NCAM2: variants seen among roughly 807,000 people sequenced by gnomAD.
NCAM2 encodes neural cell adhesion molecule 2.
A neutral mutation model predicts 98.1 loss-of-function variants in NCAM2; 30 were observed. The ratio of observed to expected loss-of-function variants is 0.31; its 90% CI spans 0.23 to 0.41. NCAM2 has a LOEUF of 0.41. Among genes scored for constraint, NCAM2 ranks in the 10% least tolerant of loss-of-function variants. NCAM2 has a pLI of 1.00. For synonymous variants in NCAM2, 368 were observed against 342.4 expected, an observed-to-expected ratio of 1.07 and a Z score of -0.83; for missense variants, 867 against 1,005.8, an observed-to-expected ratio of 0.86 and a Z score of 1.87.
At chr21:21,327,647 A>G (rs1026987284) in intron 6 of NCAM2, among the ~76,000 whole-genome samples, 1 of 152,142 alleles carries the variant, frequency 6.6e-6, no homozygotes, top group African/African-American at 2.4e-5. Context: ...ACAGTTACTA[A>G]AACTTCAGCC....
chr21:21,224,567 A>G (rs912903240), intron 1 of NCAM2, among the ~76,000 whole-genome samples: 5 of 152,164 alleles, frequency 3.3e-5, no homozygotes, highest in African/African-American at 1.2e-4. Context: ...TTGCCTCTAA[A>G]TTTCACACAA....
intron 1 of NCAM2, among the ~76,000 whole-genome samples, chr21:21,203,064 G>T (rs1466723177): frequency 6.6e-6 from 1 of 152,096 alleles, no homozygotes; most frequent in Admixed American, 6.6e-5. Context: ...TTAATGGATT[G>T]AACTCTATAA....
chr21:21,173,552 C>T (rs2068188236), intron 1 of NCAM2, among the ~76,000 whole-genome samples: 1 of 152,124 alleles, frequency 6.6e-6, no homozygotes, highest in African/African-American at 2.4e-5. Flanking sequence ...TCTTATGGAA[C>T]ATGCTAAACT....
At chr21:21,487,725 A>G (rs934360294) in intron 15 of NCAM2, among the ~76,000 whole-genome samples, 1 of 152,046 alleles carries the variant, frequency 6.6e-6, no homozygotes, top group South Asian at 2.1e-4. Flanking sequence ...TTTACAGTCA[A>G]CGTTACTGGC....
chr21:21,379,155 C>G (rs1013914114), intron 9 of NCAM2, among the ~76,000 whole-genome samples: 1 of 151,950 alleles, frequency 6.6e-6, no homozygotes, highest in African/African-American at 2.4e-5. Context: ...ATAGAAAGGA[C>G]TTTTCTTTTT....
chr21:21,183,516 A>G (rs936379725), intron 1 of NCAM2, among the ~76,000 whole-genome samples: 2 of 152,150 alleles, frequency 1.3e-5, no homozygotes, highest in African/African-American at 4.8e-5. Flanking sequence ...GGACATGAGG[A>G]AATGGTAAGG....
intron 1 of NCAM2, among the ~76,000 whole-genome samples, chr21:21,179,553 GCTGTTGTCTT>G (rs1213960870): frequency 6.6e-6 from 1 of 152,136 alleles, no homozygotes; most frequent in African/African-American, 2.4e-5. Flanking sequence ...AATCCCAACA[GCTGTTGTCTT>G]CTTTTATGTG....
At chr21:21,453,857 T>G (rs1981717161) in intron 12 of NCAM2, among the ~76,000 whole-genome samples, 1 of 152,238 alleles carries the variant, frequency 6.6e-6, no homozygotes, top group East Asian at 1.9e-4. Flanking sequence ...CCTTAGAATA[T>G]AAGGCGATGT....
rs1601812915 is a variant in NCAM2 at position 21,265,427 on chromosome 21, G to T, written c.56-15151G>T. ...ATATATGTGTATATATAATATATGT[G>T]TGTATATATATTATATATACACACA... On this transcript the variant is annotated intron_variant, in intron 1 of 17. Transcript: ENST00000400546. Among the ~76,000 whole-genome samples the T allele has an allele frequency of 6.4e-5, 4 of 62,702 alleles. 1 individual carries two copies. The highest frequency in any genetic ancestry group is 1.1e-4 in the Non-Finnish European group (4 of 36,208). 41.1% of individuals were successfully genotyped at this position (62,702 alleles called of 152,430 possible).
chr21:21,056,682 G>A (rs2065219684), intron 1 of NCAM2, among the ~76,000 whole-genome samples: 2 of 152,022 alleles, frequency 1.3e-5, no homozygotes, highest in Admixed American at 6.6e-5. Context: ...TGAAAGACAG[G>A]AAGAGTCGAA....
At chr21:21,525,237 C>A (rs184216281) in intron 16 of NCAM2, among the ~76,000 whole-genome samples, 14 of 151,836 alleles carry the variant, frequency 9.2e-5, no homozygotes, top group African/African-American at 3.4e-4. Context: ...AAAAGATTAA[C>A]GAAATTGCTA....
intron 1 of NCAM2, among the ~76,000 whole-genome samples, chr21:21,183,744 T>C (rs1319970079): frequency 6.6e-6 from 1 of 152,182 alleles, no homozygotes; most frequent in Non-Finnish European, 1.5e-5. Flanking sequence ...ACTTGTTCTA[T>C]GCATTGTTAT....
intron 1 of NCAM2, among the ~76,000 whole-genome samples, chr21:21,032,207 A>G (rs1348422741): frequency 2.0e-5 from 3 of 152,150 alleles, no homozygotes; most frequent in Non-Finnish European, 4.4e-5. Flanking sequence ...TTAGAAAATC[A>G]TCTTTAGCTG....
intron 1 of NCAM2, among the ~76,000 whole-genome samples, chr21:21,123,384 G>T (rs73332361): frequency 1.5e-5 from 2 of 130,148 alleles, no homozygotes; most frequent in Non-Finnish European, 3.2e-5. Context: ...GAGACAGAGC[G>T]AAGAGACTCC....
At chr21:21,117,923 C>T (rs182435469) in intron 1 of NCAM2, among the ~76,000 whole-genome samples, 20 of 152,244 alleles carry the variant, frequency 1.3e-4, no homozygotes, top group Non-Finnish European at 2.8e-4. Flanking sequence ...AATGATTGAA[C>T]TAATAAGTGG....
At position 21,059,557 on chromosome 21, in the gene NCAM2, A is replaced by G. The variant is rs182321117; in HGVS notation, c.55+60939A>G. ...AGAACCTTTTTATATTTGGAATATA[A>G]TAGTTTCTTGTACATATTAATCTAG... On this transcript the variant is annotated intron_variant, in intron 1 of 17. Coordinates refer to ENST00000400546, the MANE Select transcript of NCAM2 (RefSeq NM_004540.5). Among the ~76,000 whole-genome samples the G allele has an allele frequency of 9.3e-4, 141 of 152,272 alleles. 1 individual carries two copies. The East Asian group carries it at 0.023, about 25-fold the overall frequency.
intron 1 of NCAM2, among the ~76,000 whole-genome samples, chr21:21,147,833 T>C (rs1056768007): frequency 6.6e-6 from 1 of 150,408 alleles, no homozygotes; most frequent in African/African-American, 2.4e-5. Context: ...GTTTATAAAA[T>C]ACCCTATTTA....
At chr21:21,225,029 T>C (rs964533592) in intron 1 of NCAM2, among the ~76,000 whole-genome samples, 6 of 151,938 alleles carry the variant, frequency 3.9e-5, no homozygotes, top group Admixed American at 2.0e-4. Flanking sequence ...CCATCAACAA[T>C]AGGCTGAAGA....
chr21:21,515,638 G>A (rs950912841), intron 16 of NCAM2, among the ~76,000 whole-genome samples: 16 of 152,040 alleles, frequency 1.1e-4, no homozygotes, highest in South Asian at 8.3e-4. Context: ...AATTTCGATA[G>A]AATTAATTCA....
Sources: gnomAD v4.1 joint callset for allele counts (sites outside exome capture counted in the v4.1 genomes callset) on GRCh38, gnomAD v4.1.1 for gene constraint, MANE v1.5 for transcripts, NCBI Gene and HGNC (gene_info 2026-07-23, HGNC 2026-07-21) for gene names.